Variants in SYT1 observed in about 807,000 individuals in gnomAD.
SYT1 encodes the protein synaptotagmin 1, also known as synaptotagmin-1.
In SYT1, 8 loss-of-function variants were observed where a neutral mutation model predicts 44.8. That is an observed-to-expected ratio of 0.18 (90% confidence interval 0.10 to 0.32). SYT1 has a LOEUF of 0.32. Among genes scored for constraint, SYT1 ranks in the 10% least tolerant of loss-of-function variants. SYT1 has a pLI of 1.00. For synonymous variants in SYT1, 154 were observed against 188.8 expected (o/e 0.82, Z 1.51); for missense variants, 286 against 509.3 (o/e 0.56, Z 4.22).
Position 79,072,805 on chromosome 12 carries a change from C to T in SYT1, c.-18+25443C>T, listed in dbSNP as rs116577922. 2.6e-3 allele frequency among the ~76,000 whole-genome samples: 394 copies of T among 152,194 alleles called. 2 individuals are homozygous for T. The highest frequency in any genetic ancestry group is 8.5e-3 in the African/African-American group (355 of 41,530). On this transcript the variant is annotated intron_variant, in intron 3 of 10. Coordinates refer to ENST00000261205, the MANE Select transcript of SYT1 (RefSeq NM_005639.3). Reference sequence around the variant, plus strand: ...TCAATTTATATATGTTGAGTTTCTGCTCTATACCAGGCACCGGTCAAGGTA... The same window carrying T: ...TCAATTTATATATGTTGAGTTTCTGTTCTATACCAGGCACCGGTCAAGGTA...
chr12:79,432,357 C>T (rs1295505520), intron 9 of SYT1, among the ~76,000 whole-genome samples: 1 of 151,752 alleles, frequency 6.6e-6, no homozygotes, highest in Non-Finnish European at 1.5e-5. Context: ...TGCTATCCCT[C>T]CCCCTGCCCC....
intron 9 of SYT1, among the ~76,000 whole-genome samples, chr12:79,388,086 G>A (rs1884506075): frequency 6.6e-6 from 1 of 152,144 alleles, no homozygotes; most frequent in African/African-American, 2.4e-5. Context: ...CTTAATAAAT[G>A]TCATTTTGTT....
chr12:79,334,637 C>G (rs1288087077), intron 8 of SYT1, among the ~76,000 whole-genome samples: 2 of 152,168 alleles, frequency 1.3e-5, no homozygotes, highest in Non-Finnish European at 2.9e-5. Flanking sequence ...GTTCTATTTC[C>G]TGCAACCCTA....
chr12:78,992,848 GC>G (rs1408514839), intron 2 of SYT1, among the ~76,000 whole-genome samples: 2 of 152,116 alleles, frequency 1.3e-5, no homozygotes, highest in Admixed American at 1.3e-4. Flanking sequence ...ACTCACACAT[GC>G]CCATTCAGTT....
intron 9 of SYT1, among the ~76,000 whole-genome samples, chr12:79,417,149 A>G (rs2136146408): frequency 6.6e-6 from 1 of 152,270 alleles, no homozygotes; most frequent in South Asian, 2.1e-4. Flanking sequence ...CTGCTTTTAC[A>G]ATTTGTCATT....
At chr12:78,902,956 A>T (rs1875745606) in intron 1 of SYT1, among the ~76,000 whole-genome samples, 1 of 152,144 alleles carries the variant, frequency 6.6e-6, no homozygotes, top group East Asian at 1.9e-4. Context: ...CTTAATTTCA[A>T]GTCTTAACTA....
At chr12:79,448,061 A>T (rs916741615) in intron 10 of SYT1, among the ~76,000 whole-genome samples, 1 of 152,210 alleles carries the variant, frequency 6.6e-6, no homozygotes, top group South Asian at 2.1e-4. Flanking sequence ...TTACTTAGGA[A>T]GTAGAACTGA....
intron 1 of SYT1, among the ~76,000 whole-genome samples, chr12:78,901,750 G>A (rs571946556): frequency 6.6e-6 from 1 of 152,152 alleles, no homozygotes; most frequent in African/African-American, 2.4e-5. Flanking sequence ...TGAGTGCTTG[G>A]CCTTCACAGT....
intron 3 of SYT1, among the ~76,000 whole-genome samples, chr12:79,174,389 G>C (rs1367603308): frequency 6.9e-6 from 1 of 143,962 alleles, no homozygotes; most frequent in Non-Finnish European, 1.5e-5. Context: ...AAATAATATG[G>C]TGACGTATTC....
chr12:79,078,451 C>T (rs1164829886), intron 3 of SYT1, among the ~76,000 whole-genome samples: 2 of 152,094 alleles, frequency 1.3e-5, no homozygotes, highest in Non-Finnish European at 2.9e-5. Context: ...CTTAATAAAA[C>T]AACATAATTA....
chr12:79,425,061 C>T (rs1434609549), intron 9 of SYT1, among the ~76,000 whole-genome samples: 1 of 149,430 alleles, frequency 6.7e-6, no homozygotes. Flanking sequence ...CAATATAAGC[C>T]AAATGTTACC....
rs538042798 is a variant in SYT1, at chr12:78,887,157, G to A, written c.-217+22048G>A. Among the ~76,000 whole-genome samples the A allele has an allele frequency of 1.7e-3, 265 of 152,014 alleles. 2 individuals are homozygous for A. Among genetic ancestry groups the A allele is most frequent in the African/African-American group, 6.2e-3 (258 of 41,500 alleles). ...ACTATTTGTATGTTTTAAAATGCATGTTGTTTTGAGTAGCATGATGAAATC... is the reference window on the plus strand; with the variant it reads ...ACTATTTGTATGTTTTAAAATGCATATTGTTTTGAGTAGCATGATGAAATC... On this transcript the variant is annotated intron_variant, in intron 1 of 10. Transcript: ENST00000261205.
intron 1 of SYT1, among the ~76,000 whole-genome samples, chr12:78,900,774 CT>C (rs1352386629): frequency 1.3e-5 from 2 of 151,980 alleles, no homozygotes; most frequent in African/African-American, 4.8e-5. Context: ...TTAGAAATTT[CT>C]TTTATGTGGA....
chr12:79,227,304 T>G (rs1592872841), intron 4 of SYT1, among the ~76,000 whole-genome samples: 2 of 152,300 alleles, frequency 1.3e-5, no homozygotes, highest in South Asian at 4.1e-4. Flanking sequence ...TTCACACTGT[T>G]ATCTAAATGA....
At chr12:79,411,029 G>A (rs559136329) in intron 9 of SYT1, among the ~76,000 whole-genome samples, 131 of 152,264 alleles carry the variant, frequency 8.6e-4, no homozygotes, top group African/African-American at 2.7e-3. Flanking sequence ...AGATAAGCCC[G>A]AGATTGGTTG....
chr12:79,080,321 T>C (rs917403828), intron 3 of SYT1, among the ~76,000 whole-genome samples: 14 of 152,154 alleles, frequency 9.2e-5, no homozygotes, highest in Non-Finnish European at 2.1e-4. Context: ...ATCTGGATAT[T>C]TGACAACCAC....
At chr12:79,440,764 A>C (rs1870362794) in intron 9 of SYT1, among the ~76,000 whole-genome samples, 1 of 152,188 alleles carries the variant, frequency 6.6e-6, no homozygotes, top group South Asian at 2.1e-4. Flanking sequence ...TAGGAGAGGT[A>C]ATCTTTGCTT....
At chr12:79,365,599 A>T (rs1883507542) in intron 9 of SYT1, among the ~76,000 whole-genome samples, 1 of 152,146 alleles carries the variant, frequency 6.6e-6, no homozygotes, top group South Asian at 2.1e-4. Context: ...TCTACATATC[A>T]GTGAGAAAGA....
At chr12:79,361,131 A>G (rs980537123) in intron 9 of SYT1, among the ~76,000 whole-genome samples, 1 of 152,228 alleles carries the variant, frequency 6.6e-6, no homozygotes, top group African/African-American at 2.4e-5. Flanking sequence ...GCACCATGCC[A>G]GTCCTTGAGA....
Sources: gnomAD v4.1 joint callset for allele counts (sites outside exome capture counted in the v4.1 genomes callset) on GRCh38, gnomAD v4.1.1 for gene constraint, MANE v1.5 for transcripts, NCBI Gene and HGNC (gene_info 2026-07-23, HGNC 2026-07-21) for gene names.